Variants in ZNF793 observed in about 807,000 individuals in gnomAD.
The protein encoded by ZNF793 is zinc finger protein 793.
In ZNF793, 5 loss-of-function variants were observed where a neutral mutation model predicts 12.4. That is an observed-to-expected ratio of 0.40 (90% CI 0.21 to 0.84). The LOEUF is 0.84. ZNF793 is among the 40% of genes least tolerant of loss of function. ZNF793 has a pLI of 0.35. For missense variants in ZNF793, 456 were observed against 495.0 expected (o/e 0.92, Z 0.75); for synonymous variants, 162 against 172.4 (o/e 0.94, Z 0.47).
chr19:37,515,072 C>T (rs1159999886), intron 2 of ZNF793, among the ~76,000 whole-genome samples: 1 of 152,178 alleles, frequency 6.6e-6, no homozygotes, highest in Admixed American at 6.5e-5. Flanking sequence ...AAGTGAACAC[C>T]CTTCCCTGCT....
chr19:37,521,643 A>G (rs958839010), intron 3 of ZNF793, among the ~76,000 whole-genome samples: 2 of 151,000 alleles, frequency 1.3e-5, no homozygotes, highest in East Asian at 4.0e-4. Context: ...GGGTTTCACT[A>G]TGTTGGTCAG....
At chr19:37,521,315 G>A (rs567957969) in intron 3 of ZNF793, among the ~76,000 whole-genome samples, 1 of 151,378 alleles carries the variant, frequency 6.6e-6, no homozygotes, top group East Asian at 1.9e-4. Flanking sequence ...TAGAGATGGA[G>A]TTTCACCATG....
At position 37,533,417 on chromosome 19, in the gene ZNF793, A is replaced by G. The variant is rs746483726; in HGVS notation, c.238+14A>G. 5 of 1,611,804 alleles carry G rather than the reference A, an allele frequency of 3.1e-6. No homozygotes were observed. The highest frequency in any genetic ancestry group is 1.7e-5 in the Admixed American group (1 of 60,000). The stretch of plus-strand genomic sequence containing the variant: ...GCCACTGTTGGGGTAAGTGTGATAA[A>G]TCTAGCAAAAGGGGTACTGAAGGAG... On this transcript the variant is annotated intron_variant, in intron 7 of 7. Coordinates refer to ENST00000627814, the MANE Select transcript of ZNF793 (RefSeq NM_001013659.3).
At chr19:37,529,961 G>A (rs2042444891) in intron 5 of ZNF793, among the ~76,000 whole-genome samples, 1 of 151,990 alleles carries the variant, frequency 6.6e-6, no homozygotes. Flanking sequence ...CAGCCTCTGA[G>A]TTCCCTTAGT....
At chr19:37,522,083 T>TTA (rs1302646281) in intron 3 of ZNF793, among the ~76,000 whole-genome samples, 25 of 152,258 alleles carry the variant, frequency 1.6e-4, no homozygotes, top group Admixed American at 1.6e-3. Context: ...AAAGTCAGTG[T>TTA]TATAATGATT....
At chr19:37,508,178 C>G (rs539383179) in intron 1 of ZNF793, 87 bp from the exon 2 acceptor site, 1 of 152,282 alleles carries the variant, frequency 6.6e-6, no homozygotes, top group East Asian at 1.9e-4. Context: ...GCGTGCTAAA[C>G]TTATCTAAAG....
In ZNF793 at chr19:37,537,379, G is replaced by T; in HGVS notation, c.721G>T (p.Glu241Ter). Residue 241 changes from glutamate to a stop codon, truncating the protein, a stop_gained, in exon 8 of 8, where the codon GAA becomes TAA. Transcript: ENST00000627814. LOFTEE classifies it low-confidence loss of function (END_TRUNC). The part of the protein sequence containing the change: ...ECGKAFCYKS[E>*]FIRHQRSHTG... ...TGGGAAAGCCTTCTGCTACAAGTCT[G>T]AATTCATTAGGCATCAGAGAAGTCA... The T allele has an allele frequency of 1.2e-6, 2 of 1,612,912 alleles. No homozygotes were observed. Among genetic ancestry groups the T allele is most frequent in the Non-Finnish European group, 1.7e-6 (2 of 1,179,382 alleles).
At chr19:37,536,679 T>G in intron 7 of ZNF793, 1 of 516,864 alleles carries the variant, frequency 1.9e-6, no homozygotes, top group Non-Finnish European at 3.3e-6. Flanking sequence ...AATATCCTAT[T>G]TTCTTTGAAA....
intron 5 of ZNF793, among the ~76,000 whole-genome samples, chr19:37,530,857 C>T (rs2042454192): frequency 6.6e-6 from 1 of 152,056 alleles, no homozygotes; most frequent in South Asian, 2.1e-4. Flanking sequence ...TGTCTGTTTT[C>T]TGTTTATCCC....
Position 37,525,339 on chromosome 19 carries a change from C to T in ZNF793, c.15+1885C>T, listed in dbSNP as rs976172178. On this transcript the variant is annotated intron_variant, in intron 5 of 7. Coordinates refer to ENST00000627814, the MANE Select transcript of ZNF793 (RefSeq NM_001013659.3). ...AGTTTTAGTAGAGACAGGGTTTCAC[C>T]GTGTTAGCCAGGATGGTCTCGATCT... 2.2e-4 allele frequency among the ~76,000 whole-genome samples: 33 copies of T among 151,238 alleles called. 1 individual carries two copies. In the South Asian group the frequency reaches 5.7e-3, roughly 26 times the overall value.
chr19:37,536,576 G>T (rs991600688), intron 7 of ZNF793: 2 of 410,010 alleles, frequency 4.9e-6, no homozygotes, highest in African/African-American at 2.1e-5. Flanking sequence ...ATGGTATGGC[G>T]GGAGAGTTGA....
At chr19:37,515,478 T>G (rs1388758402) in intron 2 of ZNF793, among the ~76,000 whole-genome samples, 2 of 152,014 alleles carry the variant, frequency 1.3e-5, no homozygotes, top group Non-Finnish European at 2.9e-5. Flanking sequence ...CGGCCAATTT[T>G]TTTGTATTTT....
intron 2 of ZNF793, among the ~76,000 whole-genome samples, chr19:37,514,310 T>C (rs2042314186): frequency 6.6e-6 from 1 of 152,196 alleles, no homozygotes; most frequent in Non-Finnish European, 1.5e-5. Flanking sequence ...GATTTCTTAT[T>C]GAGCCTTAAA....
At chr19:37,524,523 G>T (rs2042399148) in intron 5 of ZNF793, among the ~76,000 whole-genome samples, 1 of 152,118 alleles carries the variant, frequency 6.6e-6, no homozygotes. Context: ...CTTCCTGGTA[G>T]CCCAACAAAA....
At chr19:37,524,677 C>T (rs1053072159) in intron 5 of ZNF793, among the ~76,000 whole-genome samples, 1 of 152,172 alleles carries the variant, frequency 6.6e-6, no homozygotes, top group African/African-American at 2.4e-5. Flanking sequence ...AAAGCACAGC[C>T]TCTCACAGTG....
Position 37,537,235 on chromosome 19 carries a change from T to A in ZNF793, c.577T>A (p.Cys193Ser). The A allele has an allele frequency of 6.2e-7, 1 of 1,613,934 alleles. No homozygotes were observed. The highest frequency in any genetic ancestry group is 1.3e-5 in the African/African-American group (1 of 75,052). Residue 193 changes from cysteine to serine, a missense_variant, in exon 8 of 8, where the codon TGT (cysteine) becomes AGT (serine). Coordinates refer to ENST00000627814, the MANE Select transcript of ZNF793 (RefSeq NM_001013659.3). ...NGEKPRGCSH[C>S]EKAFTQNPAL... ...AGAAAAGCCCCGGGGTTGCAGTCAC[T>A]GTGAGAAAGCTTTCACCCAGAACCC...
At chr19:37,532,014 A>ATTT (rs560896331) in intron 5 of ZNF793, among the ~76,000 whole-genome samples, 2 of 141,444 alleles carry the variant, frequency 1.4e-5, no homozygotes, top group Admixed American at 1.5e-4. Context: ...TCTTGCACAA[A>ATTT]ATTTTTTTTT....
At chr19:37,520,887 T>G (rs987727816) in intron 3 of ZNF793, among the ~76,000 whole-genome samples, 2 of 152,158 alleles carry the variant, frequency 1.3e-5, no homozygotes, top group African/African-American at 4.8e-5. Context: ...TATATAATTT[T>G]GTTTTGTTTT....
rs1302699859 is a variant in ZNF793, at chr19:37,523,474, GC to G, written c.15+23del. On this transcript the variant is annotated intron_variant, in intron 5 of 7. Coordinates refer to ENST00000627814, the MANE Select transcript of ZNF793 (RefSeq NM_001013659.3). ...TACCAGGTAAGTATCACATTAAGTAGCCCAGTTTTCCTTCCTGGGGAAACTG... is the reference window on the plus strand; with the variant it reads ...TACCAGGTAAGTATCACATTAAGTAGCCAGTTTTCCTTCCTGGGGAAACTG... 1.2e-6 allele frequency: 2 copies of G among 1,612,922 alleles called. No individual in the cohort carries two copies. Among genetic ancestry groups the G allele is most frequent in the Non-Finnish European group, 1.7e-6 (2 of 1,179,016 alleles).
Sources: allele counts gnomAD v4.1 joint callset (sites outside exome capture counted in the v4.1 genomes callset), GRCh38; gene constraint gnomAD v4.1.1; transcripts MANE v1.5; gene names NCBI Gene and HGNC (gene_info 2026-07-23, HGNC 2026-07-21).